RGP1: variants seen among roughly 807,000 people sequenced by gnomAD.
RGP1 encodes RAB6A-GEF complex partner protein 2.
RGP1 carries 28 observed loss-of-function variants against 44.5 expected under a neutral mutation model. The observed-to-expected ratio is 0.63, with a 90% CI of 0.47 to 0.86. RGP1 has a LOEUF of 0.86. Ranked by LOEUF, RGP1 falls within the 40% of genes least tolerant of loss-of-function variation. The probability of loss-of-function intolerance (pLI) is 0.00; values close to 1 mark genes in which losing one functional copy is unlikely to be tolerated. For synonymous variants in RGP1, 212 were observed against 196.7 expected (o/e 1.08, Z -0.65); for missense variants, 417 against 490.7 (o/e 0.85, Z 1.42).
At position 35,757,171 on chromosome 9, in the gene RGP1, AC is replaced by A. The variant is rs1827369829; in HGVS notation, c.*4301del. On this transcript the variant is annotated 3_prime_UTR_variant, in exon 9 of 9. Transcript: ENST00000378078. ...GAAGTGAGAGCATTCCGGCCCCCCCACCCCAACCCCGGCCGCTGGCCCTCTG... is the reference window on the plus strand; with the variant it reads ...GAAGTGAGAGCATTCCGGCCCCCCCACCCAACCCCGGCCGCTGGCCCTCTG... 1 of 149,858 alleles carries A rather than the reference AC, an allele frequency of 6.7e-6. No individual in the cohort carries two copies. The highest frequency in any genetic ancestry group is 1.5e-5 in the Non-Finnish European group (1 of 67,540). The allele number at this position is 149,858 out of a possible 1,614,324, so 9.3% of individuals were successfully genotyped here. A position where few individuals can be genotyped will look rare whatever the true frequency, so the allele number is the denominator to read the frequency against.
At chr9:35,767,572 C>T in the RGP1 span, among the ~76,000 whole-genome samples, 1 of 152,062 alleles carries the variant, frequency 6.6e-6, no homozygotes, top group African/African-American at 2.4e-5. Flanking sequence ...ATGATCTAGT[C>T]TTGGATGATG....
At chr9:35,773,585 T>C in the RGP1 span, among the ~76,000 whole-genome samples, 1 of 151,880 alleles carries the variant, frequency 6.6e-6, no homozygotes, top group Non-Finnish European at 1.5e-5. Flanking sequence ...CACTGCAACC[T>C]CTGCCTCCTG....
At position 35,753,962 on chromosome 9, in the gene RGP1, T is replaced by C; in HGVS notation, c.*1088T>C. ...GGCCCCATCCTCCCTGTGCCCTCTC[T>C]GCTGCTCCTCCATTCCTAACGCTTC... On this transcript the variant is annotated 3_prime_UTR_variant, in exon 9 of 9. Transcript: ENST00000378078. This position sits in a 1 kb window ranked among gnomAD's most constrained non-coding sequence, Gnocchi z 4.2. 6.3e-7 allele frequency: 1 copy of C among 1,594,722 alleles called. No individual in the cohort carries two copies. The highest frequency in any genetic ancestry group is 8.6e-7 in the Non-Finnish European group (1 of 1,167,474).
chr9:35,774,947 G>T, the RGP1 span, among the ~76,000 whole-genome samples: 1 of 151,950 alleles, frequency 6.6e-6, no homozygotes, highest in Admixed American at 6.6e-5. Context: ...ATATTGTCTC[G>T]AGGATTGGGA....
Position 35,751,762 on chromosome 9 carries a change from G to T in RGP1, c.762+8G>T. 6.2e-7 allele frequency: 1 copy of T among 1,613,890 alleles called. No homozygotes were observed. Among genetic ancestry groups the T allele is most frequent in the South Asian group, 1.1e-5 (1 of 91,060 alleles). ...ACCGTAGCTTGTTTGCAGGTAAGAAGGGAGCAGAGCTTCTTACCTGCTGGG... is the reference window on the plus strand; with the variant it reads ...ACCGTAGCTTGTTTGCAGGTAAGAATGGAGCAGAGCTTCTTACCTGCTGGG... On this transcript the variant is annotated splice_region_variant and intron_variant, in intron 7 of 8. Coordinates refer to ENST00000378078, the MANE Select transcript of RGP1 (RefSeq NM_001080496.3).
the RGP1 span, among the ~76,000 whole-genome samples, chr9:35,776,586 C>T: frequency 1.4e-4 from 21 of 151,972 alleles, no homozygotes; most frequent in Admixed American, 2.6e-4. Context: ...CGCATCTGGC[C>T]CCCTATTCTC....
rs1465288962 is a variant in RGP1 at position 35,750,710 on chromosome 9, C to T, written c.306C>T (p.Asp102=). ...LSTPPKILFC[D]LRLDPGESKS... is the part of the protein sequence containing the mutation. ...CTCCACCGAAAATTCTATTCTGTGA[C>T]CTGAGGCTTGATCCTGGAGAGTCCA... Residue 102 remains aspartate (D), a synonymous_variant, in exon 4 of 9, where the codon GAC becomes GAT. Coordinates refer to ENST00000378078, the MANE Select transcript of RGP1 (RefSeq NM_001080496.3). The T allele has an allele frequency of 1.9e-6, 3 of 1,613,888 alleles. No individual in the cohort carries two copies. In the African/African-American group the frequency reaches 4.0e-5, roughly 22 times the overall value.
downstream of RGP1, among the ~76,000 whole-genome samples, chr9:35,759,567 CAAAAAAAAAAAAAAAAAA>C (rs57938702): frequency 5.1e-3 from 195 of 38,338 alleles, 1 homozygote; most frequent in Admixed American, 0.011. Context: ...ACCCTGTCTC[CAAAAAAAAAAAAAAAAAA>C]AAAAAAAAAA....
chr9:35,753,397 G>T lies in RGP1; in HGVS notation c.*523G>T. The stretch of plus-strand genomic sequence containing the variant: ...ACAGAGCCCCTTTCAGTGGCCCCTT[G>T]GTCCTCCTAACTAAGCTGTCACCTA... On this transcript the variant is annotated 3_prime_UTR_variant, in exon 9 of 9. Transcript: ENST00000378078. The surrounding 1 kb of genome is among the most constrained non-coding windows in gnomAD (Gnocchi z 4.2). 1 of 1,163,530 alleles carries T rather than the reference G, an allele frequency of 8.6e-7. No individual in the cohort carries two copies. Among genetic ancestry groups the T allele is most frequent in the Non-Finnish European group, 1.2e-6 (1 of 833,326 alleles). The allele number at this position is 1,163,530 out of a possible 1,614,324, so 72.1% of individuals were successfully genotyped here.
At chr9:35,771,206 C>G in the RGP1 span, among the ~76,000 whole-genome samples, 1 of 152,188 alleles carries the variant, frequency 6.6e-6, no homozygotes, top group East Asian at 1.9e-4. Context: ...ATAGTAACCC[C>G]TCTGCTTGGC....
chr9:35,760,712 A>G (rs1827410410), downstream of RGP1, among the ~76,000 whole-genome samples: 2 of 151,524 alleles, frequency 1.3e-5, no homozygotes, highest in African/African-American at 4.9e-5. Flanking sequence ...ACAAGACACT[A>G]CCTTCCCACC....
At chr9:35,762,512 A>G (rs1449652821), downstream of RGP1, among the ~76,000 whole-genome samples, 4 of 152,226 alleles carry the variant, frequency 2.6e-5, no homozygotes, top group African/African-American at 9.7e-5. Flanking sequence ...AAGCAGGCAG[A>G]TTTAGGAAAA....
At chr9:35,788,449 C>T in the RGP1 span, among the ~76,000 whole-genome samples, 2 of 151,964 alleles carry the variant, frequency 1.3e-5, no homozygotes, top group Non-Finnish European at 2.9e-5. Context: ...GCCTGTAATC[C>T]CAGCTACTTG....
the RGP1 span, among the ~76,000 whole-genome samples, chr9:35,781,983 GTT>G: frequency 8.6e-3 from 782 of 90,640 alleles, 4 homozygotes; most frequent in African/African-American, 0.021. Context: ...TATTTCTCTC[GTT>G]TTTTTTTTTT....
the RGP1 span, among the ~76,000 whole-genome samples, chr9:35,788,745 A>G: frequency 1.1e-4 from 16 of 152,126 alleles, no homozygotes; most frequent in African/African-American, 3.9e-4. Context: ...TAGGTTTTCT[A>G]TGTATTGCAG....
At chr9:35,777,744 C>G in the RGP1 span, among the ~76,000 whole-genome samples, 1 of 152,136 alleles carries the variant, frequency 6.6e-6, no homozygotes, top group Non-Finnish European at 1.5e-5. Flanking sequence ...GAAAAGCCTT[C>G]TTAGCTCTGA....
At chr9:35,760,976 A>G (rs1403896969), downstream of RGP1, among the ~76,000 whole-genome samples, 2 of 152,238 alleles carry the variant, frequency 1.3e-5, no homozygotes, top group East Asian at 3.8e-4. Context: ...GGACTCAGCC[A>G]TACTTCCTTT....
At chr9:35,772,216 G>A in the RGP1 span, 1 of 152,224 alleles carries the variant, frequency 6.6e-6, no homozygotes, top group South Asian at 2.1e-4. Flanking sequence ...ACTCACCAAG[G>A]AAATGAGTGT....
rs2236288 is a variant in RGP1 at position 35,749,848 on chromosome 9, G to T, written c.93G>T (p.Pro31=). 1.2e-6 allele frequency: 2 copies of T among 1,612,592 alleles called. No homozygotes were observed. Among genetic ancestry groups the T allele is most frequent in the East Asian group, 2.2e-5 (1 of 44,832 alleles). Residue 31 remains proline, a synonymous_variant, in exon 2 of 9, where the codon CCG becomes CCT. Transcript: ENST00000378078. This position sits in a 1 kb window ranked among gnomAD's most constrained non-coding sequence, Gnocchi z 4.4. ...ECVVTVTNPL[P]PTATSASSEA... ...TAGTGACCGTCACCAACCCCCTTCCGCCCACGGCCACTTCTGCATCCAGGT... is the reference window on the plus strand; with the variant it reads ...TAGTGACCGTCACCAACCCCCTTCCTCCCACGGCCACTTCTGCATCCAGGT...
Sources: gnomAD v4.1 joint callset for allele counts (sites outside exome capture counted in the v4.1 genomes callset) on GRCh38, gnomAD v4.1.1 for gene constraint, Gnocchi (gnomAD v3.1) non-coding constraint, MANE v1.5 for transcripts, NCBI Gene and HGNC (gene_info 2026-07-23, HGNC 2026-07-21) for gene names.